SUPT3H: variants seen among roughly 807,000 people sequenced by gnomAD.
SUPT3H encodes transcription initiation protein SPT3 homolog.
SUPT3H carries 44 observed loss-of-function variants against 44.3 expected under a neutral mutation model. The ratio of observed to expected loss-of-function variants is 0.99; its 90% CI spans 0.78 to 1.28. SUPT3H has a LOEUF of 1.28. SUPT3H is among the 50% of genes most tolerant of loss of function. The pLI is 0.00. For synonymous variants in SUPT3H, 124 were observed against 125.6 expected, an observed-to-expected ratio of 0.99 and a Z score of 0.09; for missense variants, 380 against 387.1, an observed-to-expected ratio of 0.98 and a Z score of 0.15.
chr6:45,293,258 A>C (rs1358187219), intron 2 of SUPT3H, among the ~76,000 whole-genome samples: 1 of 152,198 alleles, frequency 6.6e-6, no homozygotes, highest in African/African-American at 2.4e-5. Context: ...AATGAAATCA[A>C]AATGGAATTT....
At chr6:45,329,500 A>G (rs1317946260) in intron 2 of SUPT3H, among the ~76,000 whole-genome samples, 1 of 151,816 alleles carries the variant, frequency 6.6e-6, no homozygotes, top group African/African-American at 2.4e-5. Context: ...GCATTTTTCT[A>G]TGTAATTTTA....
intron 2 of SUPT3H, among the ~76,000 whole-genome samples, chr6:45,116,096 T>C (rs1800800654): frequency 6.6e-6 from 1 of 152,200 alleles, no homozygotes; most frequent in African/African-American, 2.4e-5. Context: ...ATCTCTCCTT[T>C]ATGATAAGAA....
intron 3 of SUPT3H, among the ~76,000 whole-genome samples, chr6:45,052,756 T>C (rs1458231589): frequency 6.6e-6 from 1 of 152,154 alleles, no homozygotes; most frequent in African/African-American, 2.4e-5. Flanking sequence ...CACCAGAGGC[T>C]GGGAATGCAA....
chr6:45,014,721 C>T (rs1783987422), intron 5 of SUPT3H, 80 bp downstream of exon 5: 1 of 932,488 alleles, frequency 1.1e-6, no homozygotes, highest in South Asian at 2.5e-5. Flanking sequence ...TCTCCAGTTA[C>T]ATTGGAATTG....
chr6:44,878,493 C>A (rs750610747), intron 10 of SUPT3H, among the ~76,000 whole-genome samples: 4 of 150,976 alleles, frequency 2.6e-5, no homozygotes, highest in African/African-American at 9.8e-5. Flanking sequence ...AATAGAAGAT[C>A]GTGTTGAAGT....
At chr6:44,990,582 G>A (rs141720021) in intron 6 of SUPT3H, among the ~76,000 whole-genome samples, 42 of 152,148 alleles carry the variant, frequency 2.8e-4, no homozygotes, top group African/African-American at 5.5e-4. Context: ...TTGGAAATGG[G>A]GCCTGGTTGG....
At chr6:45,278,562 T>A (rs1380369795) in intron 2 of SUPT3H, among the ~76,000 whole-genome samples, 2 of 152,190 alleles carry the variant, frequency 1.3e-5, no homozygotes, top group African/African-American at 2.4e-5. Flanking sequence ...GAAAATGACC[T>A]CATTATGACA....
chr6:45,017,587 A>G (rs1355246730), intron 4 of SUPT3H, among the ~76,000 whole-genome samples: 2 of 151,872 alleles, frequency 1.3e-5, no homozygotes, highest in Non-Finnish European at 2.9e-5. Context: ...TCCCAGCACC[A>G]TTTATTAAAT....
chr6:44,818,224 G>C (rs911326313), intron 11 of SUPT3H, among the ~76,000 whole-genome samples: 2 of 151,786 alleles, frequency 1.3e-5, no homozygotes, highest in Non-Finnish European at 1.5e-5. Context: ...TCAACGAGTG[G>C]TATTGAAACT....
At chr6:45,147,072 T>A (rs576299763) in intron 2 of SUPT3H, among the ~76,000 whole-genome samples, 1 of 152,224 alleles carries the variant, frequency 6.6e-6, no homozygotes, top group South Asian at 2.1e-4. Context: ...ATGAAACAAA[T>A]ACTATTATTA....
intron 2 of SUPT3H, among the ~76,000 whole-genome samples, chr6:45,360,529 T>C (rs929206646): frequency 6.6e-6 from 1 of 152,032 alleles, no homozygotes; most frequent in Non-Finnish European, 1.5e-5. Flanking sequence ...TCAGAGACTA[T>C]ACATATCAGG....
intron 2 of SUPT3H, among the ~76,000 whole-genome samples, chr6:45,144,497 A>T (rs980013911): frequency 1.3e-5 from 2 of 152,154 alleles, no homozygotes; most frequent in African/African-American, 4.8e-5. Context: ...CATAGAGGTG[A>T]CACACTTCAA....
chr6:45,254,813 C>T (rs1192834003), intron 2 of SUPT3H, among the ~76,000 whole-genome samples: 1 of 152,118 alleles, frequency 6.6e-6, no homozygotes, highest in Non-Finnish European at 1.5e-5. Flanking sequence ...ACAGAAAATT[C>T]CAGAAATAAA....
chr6:45,317,280 CA>C (rs1784850027), intron 2 of SUPT3H, among the ~76,000 whole-genome samples: 1 of 147,748 alleles, frequency 6.8e-6, no homozygotes, highest in Non-Finnish European at 1.5e-5. Flanking sequence ...CCAGACTACC[CA>C]AAGTGACCTA....
intron 2 of SUPT3H, among the ~76,000 whole-genome samples, chr6:45,356,398 CTTTTT>C (rs987451278): frequency 8.0e-5 from 12 of 150,604 alleles, no homozygotes; most frequent in Non-Finnish European, 3.0e-5. Context: ...ATTCTCATTT[CTTTTT>C]TTTTCTTTTT....
chr6:45,261,859 T>C (rs1438269253), intron 2 of SUPT3H, among the ~76,000 whole-genome samples: 1 of 152,114 alleles, frequency 6.6e-6, no homozygotes, highest in East Asian at 1.9e-4. Flanking sequence ...CTCCTAGAAC[T>C]GGTAAACAGG....
Position 45,030,543 on chromosome 6 carries a change from T to C in SUPT3H, c.187-9911A>G, listed in dbSNP as rs1268438827. On this transcript the variant is annotated intron_variant, in intron 3 of 10. Transcript: ENST00000371459. Reference sequence around the variant, plus strand: ...CATTTGTTTTTACAAGATAGCCTGATTTCATTTCACCCTAGAATGTTCAGG... The same window carrying C: ...CATTTGTTTTTACAAGATAGCCTGACTTCATTTCACCCTAGAATGTTCAGG... Among the ~76,000 whole-genome samples, 17 of 152,158 alleles carry C rather than the reference T, an allele frequency of 1.1e-4. 1 individual carries two copies. The highest frequency in any genetic ancestry group is 4.4e-5 in the Non-Finnish European group (3 of 68,028).
intron 1 of SUPT3H, among the ~76,000 whole-genome samples, chr6:45,367,215 C>T (rs1439289410): frequency 1.3e-5 from 2 of 152,126 alleles, no homozygotes; most frequent in East Asian, 1.9e-4. Context: ...AGGGCCCTAA[C>T]AGCCAGGCCA....
chr6:45,247,674 A>C (rs950572688), intron 2 of SUPT3H, among the ~76,000 whole-genome samples: 2 of 148,738 alleles, frequency 1.3e-5, no homozygotes, highest in Admixed American at 6.8e-5. Flanking sequence ...TCCAGACTCT[A>C]CTGGATTCTT....
Sources: gnomAD v4.1 joint callset for allele counts (sites outside exome capture counted in the v4.1 genomes callset) on GRCh38, gnomAD v4.1.1 for gene constraint, MANE v1.5 for transcripts, NCBI Gene and HGNC (gene_info 2026-07-23, HGNC 2026-07-21) for gene names.